SNTG1: variants seen among roughly 807,000 people sequenced by gnomAD.
SNTG1 encodes the protein syntrophin gamma 1.
A neutral mutation model predicts 74.7 loss-of-function variants in SNTG1; 39 were observed. The ratio of observed to expected loss-of-function variants is 0.52; its 90% confidence interval spans 0.40 to 0.68. The LOEUF (loss-of-function observed/expected upper bound fraction) is 0.68. Among genes scored for constraint, SNTG1 ranks in the 30% least tolerant of loss-of-function variants. The probability of loss-of-function intolerance (pLI) is 0.00; values close to 1 mark genes in which losing one functional copy is unlikely to be tolerated. For missense variants in SNTG1, 685 were observed against 609.5 expected (o/e 1.12, Z -1.30); for synonymous variants, 254 against 217.1 (o/e 1.17, Z -1.49).
At chr8:50,521,246 C>T (rs1386084561) in intron 9 of SNTG1, among the ~76,000 whole-genome samples, 1 of 151,954 alleles carries the variant, frequency 6.6e-6, no homozygotes, top group Non-Finnish European at 1.5e-5. Context: ...GGGAGGGGAA[C>T]ATCACACACC....
chr8:49,952,550 A>C (rs1257574204), intron 1 of SNTG1, among the ~76,000 whole-genome samples: 2 of 152,152 alleles, frequency 1.3e-5, no homozygotes, highest in Non-Finnish European at 2.9e-5. Context: ...AGGTTAGAGA[A>C]ATAGGCAGTA....
intron 1 of SNTG1, among the ~76,000 whole-genome samples, chr8:49,995,028 T>C (rs976095195): frequency 3.3e-5 from 5 of 152,102 alleles, no homozygotes; most frequent in Admixed American, 2.0e-4. Context: ...AATGGTAAGA[T>C]GATGTGAACT....
chr8:50,772,381 G>A (rs748511208), intron 18 of SNTG1, among the ~76,000 whole-genome samples: 18 of 151,940 alleles, frequency 1.2e-4, no homozygotes, highest in Non-Finnish European at 1.2e-4. Context: ...ACTTATGTAG[G>A]GCCTGTCATT....
intron 18 of SNTG1, chr8:50,762,716 T>C: frequency 2.1e-6 from 1 of 483,800 alleles, no homozygotes; most frequent in Non-Finnish European, 4.2e-6. Context: ...AGGCCCAGTC[T>C]TGTGCTTGCC....
chr8:49,998,745 T>C (rs1465964758), intron 1 of SNTG1, among the ~76,000 whole-genome samples: 2 of 152,138 alleles, frequency 1.3e-5, no homozygotes, highest in Non-Finnish European at 2.9e-5. Context: ...TCTCCTGTGA[T>C]AATGATGCCT....
At chr8:50,409,291 A>C (rs1185335269) in intron 4 of SNTG1, among the ~76,000 whole-genome samples, 7 of 152,194 alleles carry the variant, frequency 4.6e-5, no homozygotes, top group South Asian at 4.1e-4. Flanking sequence ...TAAAACTGAA[A>C]TATCCAACGC....
At chr8:49,993,235 G>T (rs1813855195) in intron 1 of SNTG1, among the ~76,000 whole-genome samples, 1 of 152,018 alleles carries the variant, frequency 6.6e-6, no homozygotes, top group Non-Finnish European at 1.5e-5. Flanking sequence ...GTGAGGTCAG[G>T]GCCAAAGCGG....
Position 50,720,163 on chromosome 8 carries a change from G to C in SNTG1, c.1284+11185G>C, listed in dbSNP as rs777537449. ...ATTTCAAAAGTGTGTTCAACATTGA[G>C]CTTGCTGTCCATTTTAGTCTCACAC... On this transcript the variant is annotated intron_variant, in intron 17 of 18. Coordinates refer to ENST00000642720, the MANE Select transcript of SNTG1 (RefSeq NM_018967.5). Among the ~76,000 whole-genome samples the C allele has an allele frequency of 1.9e-4, 29 of 152,146 alleles. 1 individual carries two copies. The highest frequency in any genetic ancestry group is 3.5e-4 in the Non-Finnish European group (24 of 68,024).
intron 1 of SNTG1, among the ~76,000 whole-genome samples, chr8:50,129,323 A>G (rs142618373): frequency 6.6e-6 from 1 of 152,292 alleles, no homozygotes; most frequent in Non-Finnish European, 1.5e-5. Context: ...TCAAGGCTTC[A>G]TAGCATCCAG....
At chr8:49,989,089 T>G (rs1271912648) in intron 1 of SNTG1, among the ~76,000 whole-genome samples, 1 of 151,938 alleles carries the variant, frequency 6.6e-6, no homozygotes, top group African/African-American at 2.4e-5. Flanking sequence ...ATAACTATTA[T>G]GTATCCAGAG....
At chr8:50,289,322 G>T (rs550511803) in intron 2 of SNTG1, among the ~76,000 whole-genome samples, 1 of 152,080 alleles carries the variant, frequency 6.6e-6, no homozygotes, top group African/African-American at 2.4e-5. Context: ...AGTTATCACC[G>T]AATAGAATGC....
chr8:50,491,774 G>A (rs970247651), intron 8 of SNTG1, among the ~76,000 whole-genome samples: 3 of 151,844 alleles, frequency 2.0e-5, no homozygotes, highest in Non-Finnish European at 4.4e-5. Context: ...GAAAGTGCAG[G>A]TTTGTTACAT....
chr8:50,111,598 C>A (rs1282263077), intron 1 of SNTG1, among the ~76,000 whole-genome samples: 1 of 152,116 alleles, frequency 6.6e-6, no homozygotes, highest in Non-Finnish European at 1.5e-5. Context: ...GCCACCAAGT[C>A]TATGATATTT....
intron 18 of SNTG1, among the ~76,000 whole-genome samples, chr8:50,769,966 G>T (rs1344523400): frequency 6.6e-6 from 1 of 152,062 alleles, no homozygotes; most frequent in African/African-American, 2.4e-5. Context: ...ACTCAGTAAT[G>T]AGGATCAGGA....
chr8:50,071,381 T>C (rs979891442), intron 1 of SNTG1, among the ~76,000 whole-genome samples: 2 of 152,114 alleles, frequency 1.3e-5, no homozygotes, highest in African/African-American at 4.8e-5. Flanking sequence ...TTGTTATTTT[T>C]CCCAGACTCA....
chr8:50,792,738 C>T lies in SNTG1; in HGVS notation c.1463C>T (p.Ala488Val). The T allele has an allele frequency of 6.2e-7, 1 of 1,612,534 alleles. No individual in the cohort carries two copies. The highest frequency in any genetic ancestry group is 8.5e-7 in the Non-Finnish European group (1 of 1,178,970). ...CIHSFFAAKVACLDPLFLGNQ... is the reference protein window; with the variant it reads ...CIHSFFAAKVVCLDPLFLGNQ... ...CATTCCTTCTTTGCTGCCAAGGTAG[C>T]TTGTTTGGACCCTCTATTTTTAGGC... The change falls in exon 19 of 19, where the codon GCT becomes GTT. Residue 488 changes from alanine (A) to valine (V), a missense_variant. Ala to Val is a moderately conservative substitution (Grantham distance 64, BLOSUM62 0). Coordinates refer to ENST00000642720, the MANE Select transcript of SNTG1 (RefSeq NM_018967.5).
chr8:50,092,868 C>A (rs2131171935), intron 1 of SNTG1, among the ~76,000 whole-genome samples: 1 of 152,248 alleles, frequency 6.6e-6, no homozygotes, highest in East Asian at 1.9e-4. Flanking sequence ...AAAGACAACA[C>A]TCCCAATAAA....
intron 1 of SNTG1, among the ~76,000 whole-genome samples, chr8:49,946,587 A>G (rs1809210549): frequency 6.6e-6 from 1 of 152,198 alleles, no homozygotes; most frequent in African/African-American, 2.4e-5. Context: ...TCTTTACTCC[A>G]GAAATAAAAA....
chr8:50,722,424 C>T lies in SNTG1; in HGVS notation c.1284+13446C>T, dbSNP rs184906631. Reference sequence around the variant, plus strand: ...CTCCTGACCTCAACTGATCCTCCCACCTCAGCCTCCCAGTGTGCTGGGATT... The same window carrying T: ...CTCCTGACCTCAACTGATCCTCCCATCTCAGCCTCCCAGTGTGCTGGGATT... On this transcript the variant is annotated intron_variant, in intron 17 of 18. Coordinates refer to ENST00000642720, the MANE Select transcript of SNTG1 (RefSeq NM_018967.5). Among the ~76,000 whole-genome samples the T allele has an allele frequency of 8.9e-4, 135 of 152,152 alleles. 2 individuals carry two copies. The highest frequency in any genetic ancestry group is 6.8e-3 in the Middle Eastern group (2 of 294).
Sources: gnomAD v4.1 joint callset for allele counts (sites outside exome capture counted in the v4.1 genomes callset) on GRCh38, gnomAD v4.1.1 for gene constraint, MANE v1.5 for transcripts, NCBI Gene and HGNC (gene_info 2026-07-23, HGNC 2026-07-21) for gene names.